Variants in TRPM3 observed in about 807,000 individuals in gnomAD.
The protein encoded by TRPM3 is long transient receptor potential channel 3.
Under a neutral mutation model 181.2 loss-of-function variants are expected in TRPM3, and 77 were observed. The ratio of observed to expected loss-of-function variants is 0.42; its 90% CI spans 0.35 to 0.51. The LOEUF (loss-of-function observed/expected upper bound fraction) is 0.51. Ranked by LOEUF, TRPM3 falls within the 20% of genes least tolerant of loss-of-function variation. TRPM3 has a pLI of 0.01. For synonymous variants in TRPM3, 745 were observed against 796.4 expected, an observed-to-expected ratio of 0.94 and a Z score of 1.09; for missense variants, 1,759 against 2,196.7, an observed-to-expected ratio of 0.80 and a Z score of 3.98.
At chr9:71,179,931 G>A (rs1396746454) in intron 1 of TRPM3, among the ~76,000 whole-genome samples, 1 of 151,992 alleles carries the variant, frequency 6.6e-6, no homozygotes, top group Non-Finnish European at 1.5e-5. Context: ...TGAGATGCTG[G>A]TGTCCATCAC....
chr9:71,425,771 C>T (rs911421060), intron 1 of TRPM3, among the ~76,000 whole-genome samples: 3 of 152,138 alleles, frequency 2.0e-5, no homozygotes, highest in African/African-American at 7.2e-5. Flanking sequence ...GCCATTGACC[C>T]ATAAGGGGGT....
chr9:71,069,822 G>C (rs2133512501), intron 1 of TRPM3, among the ~76,000 whole-genome samples: 1 of 151,628 alleles, frequency 6.6e-6, no homozygotes, highest in East Asian at 2.0e-4. Flanking sequence ...TAATCAGGCT[G>C]GTCTTGAACT....
At chr9:70,839,716 T>G (rs1248643096) in intron 5 of TRPM3, among the ~76,000 whole-genome samples, 1 of 152,218 alleles carries the variant, frequency 6.6e-6, no homozygotes, top group Non-Finnish European at 1.5e-5. Context: ...TTGTACCTCT[T>G]CAATATTATT....
intron 22 of TRPM3, among the ~76,000 whole-genome samples, chr9:70,583,517 T>G (rs991143975): frequency 1.3e-5 from 2 of 152,166 alleles, no homozygotes; most frequent in African/African-American, 4.8e-5. Flanking sequence ...AGCGCTAAAT[T>G]TAATTATAGG....
intron 5 of TRPM3, among the ~76,000 whole-genome samples, chr9:70,830,423 G>A (rs1210112093): frequency 1.3e-5 from 2 of 152,034 alleles, no homozygotes; most frequent in Non-Finnish European, 2.9e-5. Flanking sequence ...GCGGCTCTTT[G>A]GGAATACTGC....
intron 1 of TRPM3, among the ~76,000 whole-genome samples, chr9:70,893,336 T>G (rs1040118658): frequency 6.6e-6 from 1 of 152,154 alleles, no homozygotes; most frequent in African/African-American, 2.4e-5. Context: ...TTAGCCTTAG[T>G]TTTCTTGTGC....
chr9:70,754,836 G>C (rs1212229256), intron 8 of TRPM3, among the ~76,000 whole-genome samples: 1 of 152,138 alleles, frequency 6.6e-6, no homozygotes, highest in African/African-American at 2.4e-5. Flanking sequence ...TGTGTGCTAT[G>C]CTATGGAGCC....
At chr9:70,772,822 A>G (rs779268606) in intron 7 of TRPM3, among the ~76,000 whole-genome samples, 1 of 151,456 alleles carries the variant, frequency 6.6e-6, no homozygotes, top group Non-Finnish European at 1.5e-5. Flanking sequence ...CTGCCAAAGG[A>G]TACAGGGACT....
At chr9:71,044,719 T>A (rs2059221369) in intron 1 of TRPM3, among the ~76,000 whole-genome samples, 1 of 152,212 alleles carries the variant, frequency 6.6e-6, no homozygotes, top group Non-Finnish European at 1.5e-5. Context: ...TCACCCAGGC[T>A]GGAGTGCAGT....
At chr9:71,331,404 A>G (rs1314318333) in intron 1 of TRPM3, among the ~76,000 whole-genome samples, 1 of 151,828 alleles carries the variant, frequency 6.6e-6, no homozygotes, top group African/African-American at 2.4e-5. Context: ...CTCATAATAG[A>G]TGGCACAGTA....
intron 1 of TRPM3, among the ~76,000 whole-genome samples, chr9:71,291,093 T>G (rs1260318363): frequency 1.3e-5 from 2 of 152,144 alleles, no homozygotes; most frequent in Admixed American, 6.6e-5. Flanking sequence ...AAATAAAACT[T>G]ATGTGAGGCC....
intron 6 of TRPM3, among the ~76,000 whole-genome samples, chr9:70,802,701 C>T (rs2089473630): frequency 6.6e-6 from 1 of 152,062 alleles, no homozygotes; most frequent in African/African-American, 2.4e-5. Context: ...ACCATTCTTG[C>T]AATTCAGTCC....
At chr9:70,678,687 C>G (rs752715823) in intron 9 of TRPM3, among the ~76,000 whole-genome samples, 1 of 152,092 alleles carries the variant, frequency 6.6e-6, no homozygotes, top group African/African-American at 2.4e-5. Flanking sequence ...TCTCAGATTC[C>G]GCAGAATAAA....
rs77920157 is a variant in TRPM3 at position 70,817,545 on chromosome 9, A to G, written c.973+10302T>C. On this transcript the variant is annotated intron_variant, in intron 6 of 25. Transcript: ENST00000677713. ...GAACCTGTGTCCTAACTAAGGCTTT[A>G]TGGTTATAAGGTGTATCGAGATTCA... Among the ~76,000 whole-genome samples, 1,066 of 152,310 alleles carry G rather than the reference A, an allele frequency of 7.0e-3. 14 individuals carry two copies. The highest frequency in any genetic ancestry group is 0.023 in the African/African-American group (975 of 41,564).
chr9:71,118,468 C>T (rs1565235946), intron 1 of TRPM3, among the ~76,000 whole-genome samples: 1 of 152,066 alleles, frequency 6.6e-6, no homozygotes, highest in African/African-American at 2.4e-5. Flanking sequence ...TAAATATTAA[C>T]GTGATACCAA....
intron 1 of TRPM3, among the ~76,000 whole-genome samples, chr9:71,409,895 C>A (rs2131442552): frequency 6.6e-6 from 1 of 152,162 alleles, no homozygotes; most frequent in South Asian, 2.1e-4. Flanking sequence ...GAAAGGAAAT[C>A]ATAACAAACT....
chr9:71,149,067 A>T (rs1331869493), intron 1 of TRPM3, among the ~76,000 whole-genome samples: 2 of 152,112 alleles, frequency 1.3e-5, no homozygotes, highest in African/African-American at 2.4e-5. Flanking sequence ...GTAATCAACC[A>T]ATTGTAAAGA....
At chr9:70,678,777 T>C (rs1256736742) in intron 9 of TRPM3, among the ~76,000 whole-genome samples, 1 of 152,244 alleles carries the variant, frequency 6.6e-6, no homozygotes, top group Non-Finnish European at 1.5e-5. Flanking sequence ...CCATGTTACA[T>C]GCCCACGCAT....
intron 19 of TRPM3, among the ~76,000 whole-genome samples, chr9:70,609,157 CTG>C (rs2061647958): frequency 6.6e-6 from 1 of 152,108 alleles, no homozygotes; most frequent in Admixed American, 6.6e-5. Flanking sequence ...CTTAAGAAAA[CTG>C]TGGACAGAAG....
Sources: gnomAD v4.1 joint callset for allele counts (sites outside exome capture counted in the v4.1 genomes callset) on GRCh38, gnomAD v4.1.1 for gene constraint, MANE v1.5 for transcripts, NCBI Gene and HGNC (gene_info 2026-07-23, HGNC 2026-07-21) for gene names.